SLC26A1: variants seen among roughly 807,000 people sequenced by gnomAD.
SLC26A1 encodes solute carrier family 26 member 1.
In SLC26A1, 18 loss-of-function variants were observed where a neutral mutation model predicts 14.5. The observed-to-expected ratio is 1.24, with a 90% CI of 0.86 to 1.84. SLC26A1 has a LOEUF of 1.84. SLC26A1 is among the 40% of genes most tolerant of loss of function. SLC26A1 has a pLI of 0.00. For missense variants in SLC26A1, 1,049 were observed against 1,020.0 expected, an observed-to-expected ratio of 1.03 and a Z score of -0.39; for synonymous variants, 505 against 492.0, an observed-to-expected ratio of 1.03 and a Z score of -0.35.
rs754424661 is a variant in SLC26A1 at position 989,122 on chromosome 4, G to A, written c.1817C>T (p.Ala606Val). ...VSTRAALVPAAAGFHTVVIDC... is the reference protein window; with the variant it reads ...VSTRAALVPAVAGFHTVVIDC... ...GATGACCACTGTGTGGAAGCCGGCC[G>A]CTGCGGGCACCAGCGCAGCCCTGGT... Residue 606 changes from alanine to valine, a missense_variant, in exon 3 of 3, where the codon GCG (alanine) becomes GTG (valine). Coordinates refer to ENST00000398516, the MANE Select transcript of SLC26A1 (RefSeq NM_022042.4). 55 of 1,606,092 alleles carry A rather than the reference G, an allele frequency of 3.4e-5. No individual in the cohort carries two copies. The highest frequency in any genetic ancestry group is 1.5e-4 in the Admixed American group (9 of 59,508).
chr4:986,791 A>T, downstream of SLC26A1: 1 of 568,808 alleles, frequency 1.8e-6, no homozygotes, highest in Non-Finnish European at 3.3e-6. Flanking sequence ...ACAAGACAGT[A>T]ATGGCTCAAC....
Position 989,428 on chromosome 4 carries a change from C to A in SLC26A1, c.1511G>T (p.Arg504Leu), listed in dbSNP as rs201106151. ...CAGGGCGGTGCGTGGGCGTTGGGTG[C>A]GGCCGGCCAGGCTGAGCAGCGAGAG... is the stretch of plus-strand genomic sequence containing the variant. ...VILSLLSLAG[R>L]TQRPRTALLA... The change falls in exon 3 of 3, where the codon CGC becomes CTC. Residue 504 changes from arginine to leucine, a missense_variant. Transcript: ENST00000398516. 1 of 1,554,954 alleles carries A rather than the reference C, an allele frequency of 6.4e-7. No individual in the cohort carries two copies. The highest frequency in any genetic ancestry group is 8.7e-7 in the Non-Finnish European group (1 of 1,149,626).
chr4:989,832 G>A lies in SLC26A1; in HGVS notation c.1107C>T (p.Tyr369=), dbSNP rs1577514961. 1 of 1,580,718 alleles carries A rather than the reference G, an allele frequency of 6.3e-7. No homozygotes were observed. The change falls in exon 3 of 3, where the codon TAC becomes TAT. Residue 369 remains tyrosine, a synonymous_variant. Coordinates refer to ENST00000398516, the MANE Select transcript of SLC26A1 (RefSeq NM_022042.4). ...GCAGCTCCTGGTTGGCACGCACAGA[G>A]TAGCCGTGACTGCGGGCGAACATCT... ...LAEMFARSHG[Y]SVRANQELLA...
chr4:989,023 G>A lies in SLC26A1; in HGVS notation c.1916C>T (p.Ala639Val). The A allele has an allele frequency of 3.8e-6, 6 of 1,585,946 alleles. No individual in the cohort carries two copies. The highest frequency in any genetic ancestry group is 5.1e-6 in the Non-Finnish European group (6 of 1,166,912). Residue 639 changes from alanine (A) to valine (V), a missense_variant, in exon 3 of 3, where the codon GCC (alanine) becomes GTC (valine). Ala to Val is a moderately conservative substitution (Grantham distance 64). Coordinates refer to ENST00000398516, the MANE Select transcript of SLC26A1 (RefSeq NM_022042.4). ...GGCTAGCAGCAGGCTGATGCCCAGG[G>A]CCCCGTAGTCTCGGCGCAGGTCCTG... ...TLQDLRRDYG[A>V]LGISLLLACC...
rs727503966 is a variant in SLC26A1, at chr4:987,808, GC to G, written c.*1024del. On this transcript the variant is annotated 3_prime_UTR_variant, in exon 3 of 3. Coordinates refer to ENST00000398516, the MANE Select transcript of SLC26A1 (RefSeq NM_022042.4). ...CTGAGCCGCCCCTTTGTTGTCCCCA[GC>G]CCCCCGCTGCCACACAGCCAGGCTG... The G allele has an allele frequency of 6.2e-7, 1 of 1,612,180 alleles. No individual in the cohort carries two copies. Among genetic ancestry groups the G allele is most frequent in the Non-Finnish European group, 8.5e-7 (1 of 1,179,824 alleles).
downstream of SLC26A1, among the ~76,000 whole-genome samples, chr4:984,510 G>A (rs961170551): frequency 5.3e-5 from 8 of 152,154 alleles, no homozygotes; most frequent in Admixed American, 2.6e-4. Context: ...ATTCACAACC[G>A]TGATGCAATC....
chr4:990,511 C>A (rs986985565), intron 2 of SLC26A1, 149 bp from the exon 3 acceptor site: 3 of 752,544 alleles, frequency 4.0e-6, no homozygotes, highest in Non-Finnish European at 6.3e-6. Context: ...CCAGACTCCT[C>A]ACACGGGCCT....
In SLC26A1 at chr4:988,953, G is replaced by A; in HGVS notation, c.1986C>T (p.Phe662=). ...CCGTGTCCCCGGGGCCCTCCCCGAG[G>A]AAGCCTCCTCTGCTCAGAATGTCTC... ...PVRDILSRGG[F]LGEGPGDTAE... The change falls in exon 3 of 3, where the codon TTC becomes TTT. Residue 662 remains phenylalanine (F), a synonymous_variant. Coordinates refer to ENST00000398516, the MANE Select transcript of SLC26A1 (RefSeq NM_022042.4). 2 of 1,596,752 alleles carry A rather than the reference G, an allele frequency of 1.3e-6. No individual in the cohort carries two copies. The highest frequency in any genetic ancestry group is 1.7e-4 in the Middle Eastern group (1 of 6,044).
chr4:983,748 G>A (rs1405516799), downstream of SLC26A1, among the ~76,000 whole-genome samples: 5 of 152,132 alleles, frequency 3.3e-5, no homozygotes, highest in African/African-American at 9.7e-5. Flanking sequence ...CCTTCCCCCC[G>A]CACTCTTCAC....
Position 988,502 on chromosome 4 carries a change from G to A in SLC26A1, c.*331C>T, listed in dbSNP as rs746716908. The A allele has an allele frequency of 3.4e-5, 39 of 1,147,522 alleles. No individual in the cohort carries two copies. The highest frequency in any genetic ancestry group is 3.6e-4 in the Middle Eastern group (1 of 2,744). The allele number at this position is 1,147,522 out of a possible 1,614,324, so 71.1% of individuals were successfully genotyped here. A position where few individuals can be genotyped will look rare whatever the true frequency, so the allele number is the denominator to read the frequency against. On this transcript the variant is annotated 3_prime_UTR_variant, in exon 3 of 3. Transcript: ENST00000398516. ...GGCACCTTGGAGGCTGCATGATGGC[G>A]GGGGACCCTTGTTCAAATAAGATGT...
downstream of SLC26A1, among the ~76,000 whole-genome samples, chr4:985,534 T>G (rs930949021): frequency 3.9e-5 from 6 of 152,240 alleles, no homozygotes; most frequent in Non-Finnish European, 7.3e-5. Context: ...TGAGGAATTG[T>G]TTTTAAAGCG....
At position 988,274 on chromosome 4, in the gene SLC26A1, G is replaced by C; in HGVS notation, c.*559C>G. The C allele has an allele frequency of 8.3e-7, 1 of 1,199,704 alleles. No homozygotes were observed. The allele number at this position is 1,199,704 out of a possible 1,614,324, so 74.3% of individuals were successfully genotyped here. The stretch of plus-strand genomic sequence containing the variant: ...TAGGGCCACTGCACCTGAGGGCTGA[G>C]CTGAGGTCTCATCGGTCACAGCACC... On this transcript the variant is annotated 3_prime_UTR_variant, in exon 3 of 3. Transcript: ENST00000398516.
downstream of SLC26A1, among the ~76,000 whole-genome samples, chr4:984,085 A>G (rs1406930293): frequency 3.3e-5 from 5 of 152,198 alleles, no homozygotes; most frequent in Admixed American, 2.0e-4. Flanking sequence ...TCAGCCTCCC[A>G]AAGTGCTGGG....
At chr4:992,035 C>A in intron 1 of SLC26A1, 1 of 598,812 alleles carries the variant, frequency 1.7e-6, no homozygotes, top group Non-Finnish European at 3.1e-6. Flanking sequence ...CCAGGCTCAG[C>A]TCCGGCCTAT....
chr4:989,310 C>T lies in SLC26A1; in HGVS notation c.1629G>A (p.Gly543=). 1 of 1,611,764 alleles carries T rather than the reference C, an allele frequency of 6.2e-7. No homozygotes were observed. Among genetic ancestry groups the T allele is most frequent in the Non-Finnish European group, 8.5e-7 (1 of 1,179,504 alleles). Residue 543 remains glycine (G), a synonymous_variant, in exon 3 of 3, where the codon GGG becomes GGA. Coordinates refer to ENST00000398516, the MANE Select transcript of SLC26A1 (RefSeq NM_022042.4). ...PEPGVRVFRF[G]GPLYYANKDF... is the part of the protein sequence containing the mutation. Reference sequence around the variant, plus strand: ...CCTTGTTGGCATAGTACAGCGGCCCCCCAAAGCGGAACACCCGCACGCCGG... The same window carrying T: ...CCTTGTTGGCATAGTACAGCGGCCCTCCAAAGCGGAACACCCGCACGCCGG...
chr4:992,163 A>G (rs751096765), intron 1 of SLC26A1: 1 of 466,494 alleles, frequency 2.1e-6, no homozygotes, highest in Admixed American at 2.3e-5. Flanking sequence ...AGAATGTCAC[A>G]GTCACTGGAC....
downstream of SLC26A1, chr4:987,331 C>G: frequency 8.0e-7 from 1 of 1,244,986 alleles, no homozygotes; most frequent in African/African-American, 1.6e-5. Context: ...CTTCAGAGAC[C>G]GGAGCTCCCT....
chr4:991,036 C>T (rs1560537410), intron 2 of SLC26A1, 92 bp downstream of exon 2: 21 of 1,304,346 alleles, frequency 1.6e-5, no homozygotes, highest in Non-Finnish European at 1.1e-5. Context: ...TCTGCCAACC[C>T]TGTGCTTGCC....
In SLC26A1 at chr4:988,456, C is replaced by G; in HGVS notation, c.*377G>C. On this transcript the variant is annotated 3_prime_UTR_variant, in exon 3 of 3. Transcript: ENST00000398516. ...CCAGCAGGGTGGGCACCGGGCAGGCCTGGGCATAGGGAGTCCTCTTGGCAC... is the reference window on the plus strand; with the variant it reads ...CCAGCAGGGTGGGCACCGGGCAGGCGTGGGCATAGGGAGTCCTCTTGGCAC... 1.8e-6 allele frequency: 2 copies of G among 1,102,176 alleles called. No homozygotes were observed. Among genetic ancestry groups the G allele is most frequent in the South Asian group, 3.2e-5 (1 of 31,422 alleles). 68.3% of individuals were successfully genotyped at this position (1,102,176 alleles called of 1,614,324 possible). A position where few individuals can be genotyped will look rare whatever the true frequency, so the allele number is the denominator to read the frequency against.
Sources: allele counts gnomAD v4.1 joint callset (sites outside exome capture counted in the v4.1 genomes callset), GRCh38; gene constraint gnomAD v4.1.1; transcripts MANE v1.5; gene names NCBI Gene and HGNC (gene_info 2026-07-23, HGNC 2026-07-21).